Variants in MAP4K5 observed in about 807,000 individuals in gnomAD.
The protein encoded by MAP4K5 is mitogen-activated protein kinase kinase kinase kinase 5.
Under a neutral mutation model 135.6 loss-of-function variants are expected in MAP4K5, and 82 were observed. The observed-to-expected ratio is 0.60, with a 90% CI of 0.51 to 0.73. MAP4K5 has a LOEUF of 0.73. MAP4K5 is among the 30% of genes least tolerant of loss of function. MAP4K5 has a pLI of 0.00. For synonymous variants in MAP4K5, 347 were observed against 335.0 expected, an observed-to-expected ratio of 1.04 and a Z score of -0.39; for missense variants, 907 against 1,010.9, an observed-to-expected ratio of 0.90 and a Z score of 1.39.
intron 29 of MAP4K5, 102 bp downstream of exon 29, chr14:50,429,090 T>C (rs571639414): frequency 2.7e-6 from 2 of 744,780 alleles, no homozygotes; most frequent in East Asian, 2.8e-5. Flanking sequence ...ATAAGTAACA[T>C]TTTTAGTAAA....
Position 50,434,985 on chromosome 14 carries a change from T to C in MAP4K5, c.1963A>G (p.Met655Val). 3.1e-6 allele frequency: 5 copies of C among 1,608,036 alleles called. No homozygotes were observed. The highest frequency in any genetic ancestry group is 1.3e-5 in the African/African-American group (1 of 74,894). ...GIVLLQWYEP[M>V]QKFMLIKHFD... Reference sequence around the variant, plus strand: ...ACCTTTATCAACATGAATTTCTGCATTGGCTCATACCACTGAAGTAAAACA... The same window carrying C: ...ACCTTTATCAACATGAATTTCTGCACTGGCTCATACCACTGAAGTAAAACA... The change falls in exon 27 of 33, where the codon ATG (methionine) becomes GTG (valine). Residue 655 changes from methionine to valine, a missense_variant. Met to Val is a conservative substitution (Grantham distance 21). Around this residue, in one of 3 missense-constraint regions of MAP4K5, gnomAD observed 690 missense variants for 777.4 expected, o/e 0.89. Transcript: ENST00000682126.
At chr14:50,560,255 C>G in intron 1 of MAP4K5, 1 of 1,613,920 alleles carries the variant, frequency 6.2e-7, no homozygotes, top group Non-Finnish European at 8.5e-7. Context: ...GCCACCAGCT[C>G]CTGGACCACC....
chr14:50,547,763 C>T lies in MAP4K5; in HGVS notation c.-179-5179G>A, dbSNP rs533884651. On this transcript the variant is annotated intron_variant, in intron 1 of 8. Coordinates refer to the MAP4K5 transcript ENST00000555216. ...ACTGCCACAGCAAGTAGTCCTTAAG[C>T]TGGGAAGTGTCCGTGCTATGATTGA... Among the ~76,000 whole-genome samples the T allele has an allele frequency of 6.6e-5, 10 of 152,306 alleles. No individual in the cohort carries two copies. In the South Asian group the frequency reaches 1.2e-3, roughly 19 times the overall value.
At chr14:50,468,803 C>T (rs755072778) in intron 9 of MAP4K5, 21 bp from the exon 10 acceptor site, 1 of 1,591,252 alleles carries the variant, frequency 6.3e-7, no homozygotes, top group Non-Finnish European at 8.6e-7. Context: ...TCAATGAATA[C>T]AACATTTTTG....
chr14:50,467,404 T>TA (rs1217892893), intron 10 of MAP4K5, among the ~76,000 whole-genome samples: 3 of 152,074 alleles, frequency 2.0e-5, no homozygotes, highest in African/African-American at 7.2e-5. Flanking sequence ...TAAAATTTTC[T>TA]AATCTCTTTA....
chr14:50,445,044 T>C lies in MAP4K5; in HGVS notation c.1336A>G (p.Ile446Val), dbSNP rs55815015. Residue 446 changes from isoleucine (I) to valine (V), a missense_variant, in exon 18 of 33, where the codon ATT becomes GTT. By Grantham distance (29) the Ile-to-Val change is conservative. Coordinates refer to ENST00000682126, the MANE Select transcript of MAP4K5 (RefSeq NM_006575.6). The stretch of plus-strand genomic sequence containing the variant: ...CTGCTAATAATGCTAGCCATACCAA[T>C]AGAAGAAGTCTCTGCCACAGGCCCA... ...SCGPVAETSS[I>V]GNGDGISKLM... The C allele has an allele frequency of 5.1e-4, 819 of 1,613,158 alleles. 8 individuals are homozygous for C. In the East Asian group the frequency reaches 0.014, roughly 27 times the overall value.
At chr14:50,486,523 T>C (rs908260311) in intron 3 of MAP4K5, among the ~76,000 whole-genome samples, 3 of 152,270 alleles carry the variant, frequency 2.0e-5, no homozygotes, top group African/African-American at 7.2e-5. Context: ...GTTTATATTA[T>C]GTGAAAAAGA....
chr14:50,482,969 T>C (rs1479144896), intron 5 of MAP4K5: 2 of 152,722 alleles, frequency 1.3e-5, no homozygotes, highest in Admixed American at 1.3e-4. Flanking sequence ...GTAACAACTG[T>C]GGTCCTTGAA....
chr14:50,533,218 A>ATTGCAC (rs1346871696), upstream of MAP4K5: 2 of 152,204 alleles, frequency 1.3e-5, no homozygotes, highest in Non-Finnish European at 2.9e-5. Context: ...CATCGCTGGT[A>ATTGCAC]TTGCACCTTT....
rs763463014 is a variant in MAP4K5 at position 50,419,769 on chromosome 14, G to A, written c.*250C>T. 7 of 363,678 alleles carry A rather than the reference G, an allele frequency of 1.9e-5. No homozygotes were observed. The highest frequency in any genetic ancestry group is 3.0e-5 in the Non-Finnish European group (6 of 200,536). 22.5% of individuals were successfully genotyped at this position (363,678 alleles called of 1,614,324 possible). Reference sequence around the variant, plus strand: ...TTTTTAAAAAAAGACTGTGTTTCCTGGAACTAGAGGACTATTTGTCTCATA... The same window carrying A: ...TTTTTAAAAAAAGACTGTGTTTCCTAGAACTAGAGGACTATTTGTCTCATA... On this transcript the variant is annotated 3_prime_UTR_variant, in exon 33 of 33. Coordinates refer to ENST00000682126, the MANE Select transcript of MAP4K5 (RefSeq NM_006575.6).
intron 3 of MAP4K5, among the ~76,000 whole-genome samples, chr14:50,487,286 G>A (rs986036816): frequency 7.2e-5 from 11 of 152,234 alleles, no homozygotes; most frequent in South Asian, 2.1e-4. Context: ...CCAGCCTGGC[G>A]ACAGAGCGAG....
At chr14:50,440,326 TTTAAA>T (rs1198821863) in intron 22 of MAP4K5, 31 bp downstream of exon 22, 2 of 1,350,564 alleles carry the variant, frequency 1.5e-6, no homozygotes, top group Non-Finnish European at 2.1e-6. Flanking sequence ...ATTCAATTTG[TTTAAA>T]TTAATTTCTT....
At chr14:50,430,415 G>A (rs1368765810) in intron 28 of MAP4K5, among the ~76,000 whole-genome samples, 5 of 152,338 alleles carry the variant, frequency 3.3e-5, no homozygotes, top group African/African-American at 7.2e-5. Context: ...TTAGGGCACT[G>A]AGACAGGGCC....
rs2037306699 is a variant in MAP4K5, at chr14:50,483,853, T to G, written c.323-1437A>C. Among the ~76,000 whole-genome samples, 4 of 150,890 alleles carry G rather than the reference T, an allele frequency of 2.7e-5. No homozygotes were observed. In the South Asian group the frequency reaches 8.4e-4, roughly 32 times the overall value. On this transcript the variant is annotated intron_variant, in intron 5 of 32. Transcript: ENST00000682126. ...CAGCAATTCCATTTATTTATTTATTTATTTATTTATTTATTTATTTATTTA... is the reference window on the plus strand; with the variant it reads ...CAGCAATTCCATTTATTTATTTATTGATTTATTTATTTATTTATTTATTTA...
chr14:50,510,483 C>A (rs747951348), intron 2 of MAP4K5, among the ~76,000 whole-genome samples: 1 of 152,188 alleles, frequency 6.6e-6, no homozygotes, highest in Non-Finnish European at 1.5e-5. Flanking sequence ...CTTTGAAAGG[C>A]TGTGCCACAT....
At chr14:50,476,741 C>A (rs1410617378) in intron 6 of MAP4K5, among the ~76,000 whole-genome samples, 1 of 152,180 alleles carries the variant, frequency 6.6e-6, no homozygotes, top group Non-Finnish European at 1.5e-5. Flanking sequence ...GGATTACAGG[C>A]GTGAGCCACC....
At position 50,462,738 on chromosome 14, in the gene MAP4K5, A is replaced by G; in HGVS notation, c.863T>C (p.Val288Ala). Residue 288 changes from valine to alanine, a missense_variant, in exon 13 of 33, where the codon GTT becomes GCT. Val to Ala is a moderately conservative substitution (Grantham distance 64, BLOSUM62 0). Coordinates refer to ENST00000682126, the MANE Select transcript of MAP4K5 (RefSeq NM_006575.6). ...AQPGLSRALA[V>A]ELLDKVNNPD... is the part of the protein sequence containing the mutation. ...ATTGTTCACTTTGTCTAACAGTTCA[A>G]CTGCTAGGGCTCTAGAGAGACCTGG... is the stretch of plus-strand genomic sequence containing the variant. 1.2e-6 allele frequency: 2 copies of G among 1,605,150 alleles called. No homozygotes were observed. The highest frequency in any genetic ancestry group is 1.7e-6 in the Non-Finnish European group (2 of 1,177,706).
chr14:50,541,994 G>C (rs201052297), intron 2 of MAP4K5, among the ~76,000 whole-genome samples: 1 of 103,396 alleles, frequency 9.7e-6, no homozygotes, highest in Non-Finnish European at 1.7e-5. Context: ...GCGACAGAGC[G>C]AGATTCCGTC....
chr14:50,503,254 CA>C (rs1281296769), intron 3 of MAP4K5, among the ~76,000 whole-genome samples: 2 of 151,806 alleles, frequency 1.3e-5, no homozygotes, highest in Admixed American at 1.3e-4. Context: ...AATAGGCAAC[CA>C]AAAAAATTTT....
Sources: gnomAD v4.1 joint callset for allele counts (sites outside exome capture counted in the v4.1 genomes callset) on GRCh38, gnomAD v4.1.1 for gene constraint, gnomAD v4.1.1 regional missense constraint, MANE v1.5 for transcripts, NCBI Gene and HGNC (gene_info 2026-07-23, HGNC 2026-07-21) for gene names.